SYN3: variants seen among roughly 807,000 people sequenced by gnomAD.
SYN3 encodes the protein synapsin III.
SYN3 carries 35 observed loss-of-function variants against 65.8 expected under a neutral mutation model. The ratio of observed to expected loss-of-function variants is 0.53; its 90% CI spans 0.41 to 0.70. The LOEUF (loss-of-function observed/expected upper bound fraction) is 0.70, where lower values mean the gene tolerates loss of function less well. Ranked by LOEUF, SYN3 falls within the 30% of genes least tolerant of loss-of-function variation. The probability of loss-of-function intolerance (pLI) is 0.00; values close to 1 mark genes in which losing one functional copy is unlikely to be tolerated. For synonymous variants in SYN3, 270 were observed against 292.9 expected (o/e 0.92, Z 0.80); for missense variants, 680 against 749.0 (o/e 0.91, Z 1.08).
chr22:32,981,060 G>A (rs566473002), intron 2 of SYN3, among the ~76,000 whole-genome samples: 5 of 150,940 alleles, frequency 3.3e-5, no homozygotes, highest in African/African-American at 7.3e-5. Flanking sequence ...TCACCATGTC[G>A]GTCAGGCTGG....
At chr22:32,841,093 C>G (rs1419513423) in intron 6 of SYN3, among the ~76,000 whole-genome samples, 1 of 152,214 alleles carries the variant, frequency 6.6e-6, no homozygotes, top group Non-Finnish European at 1.5e-5. Flanking sequence ...TTAAATCACT[C>G]TGTGTGTGGC....
At chr22:32,672,575 T>C (rs997154687) in intron 6 of SYN3, among the ~76,000 whole-genome samples, 1 of 152,226 alleles carries the variant, frequency 6.6e-6, no homozygotes, top group Non-Finnish European at 1.5e-5. Context: ...CATCCTTTGC[T>C]ATCTCTCTGA....
At chr22:32,517,668 A>G (rs2065194078) in intron 13 of SYN3, among the ~76,000 whole-genome samples, 1 of 152,178 alleles carries the variant, frequency 6.6e-6, no homozygotes, top group African/African-American at 2.4e-5. Context: ...GTAACTCTAT[A>G]GGAGACACCA....
At chr22:32,821,179 G>C (rs1352562443) in intron 6 of SYN3, among the ~76,000 whole-genome samples, 1 of 152,150 alleles carries the variant, frequency 6.6e-6, no homozygotes, top group African/African-American at 2.4e-5. Flanking sequence ...TCCCGTCTCT[G>C]CCTTTTACCA....
intron 6 of SYN3, among the ~76,000 whole-genome samples, chr22:32,726,156 T>TA (rs1157402462): frequency 1.1e-4 from 17 of 151,944 alleles, no homozygotes; most frequent in African/African-American, 1.7e-4. Context: ...TTTTTATTTT[T>TA]TTTTTGAGAT....
At chr22:32,859,174 T>TGC (rs1432039933) in intron 6 of SYN3, 1 of 1,614,180 alleles carries the variant, frequency 6.2e-7, no homozygotes, top group Non-Finnish European at 8.5e-7. Context: ...TGTTATCTAA[T>TGC]TGCAGATCAA....
intron 3 of SYN3, among the ~76,000 whole-genome samples, chr22:32,941,183 G>T (rs1444649303): frequency 1.3e-5 from 2 of 152,136 alleles, no homozygotes; most frequent in Admixed American, 6.5e-5. Context: ...TGGTCAGCTG[G>T]TTGAGAGGGT....
At position 32,956,041 on chromosome 22, in the gene SYN3, C is replaced by CATAT. The variant is rs5845054; in HGVS notation, c.370-24564_370-24561dup. ...GAGTTAATACTACTTAATAAATTCACATATATATATATATATATATAAAAT... is the reference window on the plus strand; with the variant it reads ...GAGTTAATACTACTTAATAAATTCACATATATATATATATATATATATATAAAAT... On this transcript the variant is annotated intron_variant, in intron 3 of 13. Transcript: ENST00000358763. 8.2e-3 allele frequency among the ~76,000 whole-genome samples: 1,076 copies of CATAT among 130,644 alleles called. 33 individuals are homozygous for CATAT. Among genetic ancestry groups the CATAT allele is most frequent in the African/African-American group, 0.03 (901 of 30,154 alleles). The allele number at this position is 130,644 out of a possible 152,430, so 85.7% of individuals were successfully genotyped here. A position where few individuals can be genotyped will look rare whatever the true frequency, so the allele number is the denominator to read the frequency against.
rs73158335 is a variant in SYN3, at chr22:32,833,520, G to A, written c.711+31395C>T. Among the ~76,000 whole-genome samples the A allele has an allele frequency of 5.5e-3, 843 of 152,290 alleles. 5 individuals are homozygous for A. Among genetic ancestry groups the A allele is most frequent in the South Asian group, 0.02 (95 of 4,828 alleles). On this transcript the variant is annotated intron_variant, in intron 6 of 13. Transcript: ENST00000358763. ...TTAACCTTGGGATGGGACTGTAGAA[G>A]AAATTCAAAGGAGCTTACACTGAGT...
intron 6 of SYN3, 196 bp downstream of exon 6, chr22:32,864,719 C>G (rs1418357509): frequency 5.8e-6 from 3 of 518,906 alleles, no homozygotes; most frequent in Non-Finnish European, 1.0e-5. Flanking sequence ...TGCCCTATTG[C>G]CTGAATTTCA....
chr22:32,951,704 C>A (rs941204317), intron 3 of SYN3, among the ~76,000 whole-genome samples: 3 of 152,206 alleles, frequency 2.0e-5, no homozygotes, highest in Non-Finnish European at 4.4e-5. Context: ...ACATGCTTCA[C>A]AAGTGTGATT....
chr22:32,859,107 C>T lies in SYN3; in HGVS notation c.711+5808G>A, dbSNP rs907803398. ...CATGCAGTGGCCCCAGGGTCTGAAT[C>T]CAGGCTCGGTAGCCTCAGGCCTGGG... On this transcript the variant is annotated intron_variant, in intron 6 of 13. Transcript: ENST00000358763. 3.3e-6 allele frequency: 5 copies of T among 1,534,308 alleles called. No homozygotes were observed. The Admixed American group carries it at 5.0e-5, about 15-fold the overall frequency.
At chr22:32,987,014 G>A (rs1273299355) in intron 2 of SYN3, among the ~76,000 whole-genome samples, 1 of 152,046 alleles carries the variant, frequency 6.6e-6, no homozygotes, top group Non-Finnish European at 1.5e-5. Context: ...CTGCAGCAGG[G>A]GCAGAAGAAG....
intron 6 of SYN3, among the ~76,000 whole-genome samples, chr22:32,814,317 C>CAAAA: frequency 2.3e-5 from 1 of 43,694 alleles, no homozygotes; most frequent in Non-Finnish European, 4.5e-5. Flanking sequence ...GAGAGAGAGA[C>CAAAA]AGAAAGAAAG....
intron 6 of SYN3, among the ~76,000 whole-genome samples, chr22:32,790,406 CTTTA>C (rs130557): frequency 0.048 from 7,066 of 145,758 alleles, 193 homozygotes; most frequent in Non-Finnish European, 0.053. Context: ...TTAAATTAAA[CTTTA>C]TTTATTTATT....
rs79480870 is a variant in SYN3, at chr22:32,646,090, G to A, written c.712-49354C>T. Among the ~76,000 whole-genome samples the A allele has an allele frequency of 7.2e-3, 1,095 of 152,204 alleles. 6 individuals are homozygous for A. The highest frequency in any genetic ancestry group is 0.04 in the East Asian group (208 of 5,154). On this transcript the variant is annotated intron_variant, in intron 6 of 13. Transcript: ENST00000358763. ...TTGAAACGTCCAGGTGGATGGAGCC[G>A]CGGAAAGGGTGCCTACTGAGGTATG...
chr22:32,995,933 G>T (rs1188906730), intron 2 of SYN3, among the ~76,000 whole-genome samples: 1 of 152,102 alleles, frequency 6.6e-6, no homozygotes, highest in Non-Finnish European at 1.5e-5. Flanking sequence ...TTACAGGTGT[G>T]AGCCACCGCA....
chr22:32,560,122 G>A (rs1601634398), intron 7 of SYN3, among the ~76,000 whole-genome samples: 2 of 152,232 alleles, frequency 1.3e-5, no homozygotes, highest in African/African-American at 2.4e-5. Context: ...GAAGAATCAG[G>A]GGAGAAGGAA....
chr22:32,716,775 G>A (rs528741332), intron 6 of SYN3, among the ~76,000 whole-genome samples: 1 of 152,000 alleles, frequency 6.6e-6, no homozygotes. Context: ...CACCCATCTC[G>A]GCCTTTCAAA....
Sources: gnomAD v4.1 joint callset for allele counts (sites outside exome capture counted in the v4.1 genomes callset) on GRCh38, gnomAD v4.1.1 for gene constraint, MANE v1.5 for transcripts, NCBI Gene and HGNC (gene_info 2026-07-23, HGNC 2026-07-21) for gene names.